RIMS1: variants seen among roughly 807,000 people sequenced by gnomAD.
RIMS1 encodes regulating synaptic membrane exocytosis protein 1.
A neutral mutation model predicts 214.1 loss-of-function variants in RIMS1; 83 were observed. The ratio of observed to expected loss-of-function variants is 0.39; its 90% confidence interval spans 0.32 to 0.47. The LOEUF is 0.47. Among genes scored for constraint, RIMS1 ranks in the 20% least tolerant of loss-of-function variants. The pLI, the probability that RIMS1 is intolerant of heterozygous loss-of-function variation, is 0.99. For synonymous variants in RIMS1, 793 were observed against 786.8 expected (o/e 1.01, Z -0.13); for missense variants, 2,050 against 2,161.8 (o/e 0.95, Z 1.03).
intron 27 of RIMS1, among the ~76,000 whole-genome samples, chr6:72,307,650 G>C (rs2095289541): frequency 1.3e-5 from 2 of 152,074 alleles, no homozygotes; most frequent in African/African-American, 4.8e-5. Flanking sequence ...GGGAGGCTGA[G>C]GTAGGAGAAT....
chr6:72,263,142 C>G, intron 19 of RIMS1: 3 of 984,478 alleles, frequency 3.0e-6, no homozygotes, highest in Non-Finnish European at 3.6e-6. Flanking sequence ...GAGTCAAATA[C>G]ATTTTGGAAA....
intron 29 of RIMS1, among the ~76,000 whole-genome samples, chr6:72,335,985 G>A (rs2096831608): frequency 6.6e-6 from 1 of 151,844 alleles, no homozygotes; most frequent in Non-Finnish European, 1.5e-5. Context: ...TTTGTCAGAT[G>A]GATAGATTTT....
chr6:72,032,734 C>G (rs1818487886), intron 2 of RIMS1, among the ~76,000 whole-genome samples: 2 of 152,122 alleles, frequency 1.3e-5, no homozygotes, highest in Non-Finnish European at 2.9e-5. Flanking sequence ...ATTCTATGAT[C>G]TATATGTCTG....
intron 2 of RIMS1, among the ~76,000 whole-genome samples, chr6:72,022,980 A>T (rs989947786): frequency 2.6e-5 from 4 of 152,166 alleles, no homozygotes; most frequent in Non-Finnish European, 5.9e-5. Flanking sequence ...AAATGTACAG[A>T]TTTTAGTCCT....
At chr6:72,023,773 A>G (rs1052840157) in intron 2 of RIMS1, among the ~76,000 whole-genome samples, 6 of 152,126 alleles carry the variant, frequency 3.9e-5, no homozygotes, top group African/African-American at 1.4e-4. Flanking sequence ...TTTCATGCTG[A>G]ATTTATAGAG....
chr6:72,011,006 A>G (rs1427603153), intron 2 of RIMS1, among the ~76,000 whole-genome samples: 5 of 152,238 alleles, frequency 3.3e-5, no homozygotes, highest in South Asian at 2.1e-4. Context: ...ACCAAAAAAG[A>G]GCCTGCATTG....
chr6:72,214,258 G>A (rs2054728949), intron 6 of RIMS1, among the ~76,000 whole-genome samples: 1 of 152,074 alleles, frequency 6.6e-6, no homozygotes, highest in Non-Finnish European at 1.5e-5. Context: ...ATTTCTAACA[G>A]AAAATACTTA....
intron 29 of RIMS1, among the ~76,000 whole-genome samples, chr6:72,352,079 C>T (rs947009401): frequency 1.3e-5 from 2 of 152,114 alleles, no homozygotes; most frequent in Admixed American, 6.6e-5. Flanking sequence ...TGAAGTTGGC[C>T]GAGGAGGTGG....
At chr6:72,214,543 A>G (rs2054890111) in intron 6 of RIMS1, among the ~76,000 whole-genome samples, 1 of 152,198 alleles carries the variant, frequency 6.6e-6, no homozygotes, top group African/African-American at 2.4e-5. Flanking sequence ...TGACATTCAA[A>G]ATGACTTTAT....
intron 29 of RIMS1, among the ~76,000 whole-genome samples, chr6:72,371,440 T>A (rs576393093): frequency 3.3e-5 from 5 of 152,366 alleles, no homozygotes; most frequent in African/African-American, 1.2e-4. Context: ...AGTAGAGCAC[T>A]ACTTTAAAGT....
intron 31 of RIMS1, among the ~76,000 whole-genome samples, chr6:72,397,846 A>G (rs1339507848): frequency 1.3e-5 from 2 of 152,200 alleles, no homozygotes; most frequent in Non-Finnish European, 2.9e-5. Flanking sequence ...TGATAGAAGT[A>G]TAAGAATGCT....
intron 28 of RIMS1, among the ~76,000 whole-genome samples, chr6:72,319,139 C>G (rs1205444219): frequency 1.3e-5 from 2 of 151,922 alleles, no homozygotes; most frequent in Admixed American, 6.6e-5. Context: ...GAGACTTTAT[C>G]CCAAGTTAGA....
intron 31 of RIMS1, 36 bp downstream of exon 31, chr6:72,392,846 T>A: frequency 7.2e-7 from 1 of 1,397,656 alleles, no homozygotes; most frequent in South Asian, 1.2e-5. Context: ...AGAAAATTGA[T>A]GTTTTGTGTT....
rs1554220983 is a variant in RIMS1, at chr6:72,092,291, CCCTT to C, written c.246-4631_246-4628del. On this transcript the variant is annotated intron_variant, in intron 2 of 33. Transcript: ENST00000521978. Reference sequence around the variant, plus strand: ...TCCTTCCCTCCCTCCCTCCCTCCCTCCCTTCCTTCCTTCCTTCCTTCCTTCCTTC... The same window carrying C: ...TCCTTCCCTCCCTCCCTCCCTCCCTCCCTTCCTTCCTTCCTTCCTTCCTTC... 2.5e-3 allele frequency among the ~76,000 whole-genome samples: 272 copies of C among 108,004 alleles called. 3 individuals carry two copies. Among genetic ancestry groups the C allele is most frequent in the African/African-American group, 5.9e-3 (190 of 31,972 alleles). The allele number at this position is 108,004 out of a possible 152,430, so 70.9% of individuals were successfully genotyped here. A position where few individuals can be genotyped will look rare whatever the true frequency, so the allele number is the denominator to read the frequency against.
intron 1 of RIMS1, among the ~76,000 whole-genome samples, chr6:71,961,408 G>GT (rs1158230454): frequency 6.6e-6 from 1 of 151,432 alleles, no homozygotes; most frequent in African/African-American, 2.4e-5. Flanking sequence ...CTCTCTTTCT[G>GT]TATCTTTAAC....
At chr6:72,009,031 G>A (rs1229069576) in intron 2 of RIMS1, among the ~76,000 whole-genome samples, 3 of 152,180 alleles carry the variant, frequency 2.0e-5, no homozygotes, top group African/African-American at 4.8e-5. Flanking sequence ...ATTCTTCTCA[G>A]CACCACACCA....
At chr6:72,108,948 G>T (rs1240503008) in intron 4 of RIMS1, among the ~76,000 whole-genome samples, 1 of 147,422 alleles carries the variant, frequency 6.8e-6, no homozygotes, top group Non-Finnish European at 1.5e-5. Flanking sequence ...AGAAAATGCA[G>T]TGTCTGGTTT....
intron 2 of RIMS1, among the ~76,000 whole-genome samples, chr6:72,053,652 G>C (rs1470284248): frequency 6.6e-6 from 1 of 152,052 alleles, no homozygotes; most frequent in Non-Finnish European, 1.5e-5. Context: ...GAATGGTCCT[G>C]GAAATGAAAC....
At chr6:72,224,638 C>T (rs1230456780) in intron 6 of RIMS1, among the ~76,000 whole-genome samples, 1 of 152,126 alleles carries the variant, frequency 6.6e-6, no homozygotes, top group East Asian at 1.9e-4. Flanking sequence ...TAATTCCTTT[C>T]TTGAGTCAAT....
Sources: allele counts gnomAD v4.1 joint callset (sites outside exome capture counted in the v4.1 genomes callset), GRCh38; gene constraint gnomAD v4.1.1; transcripts MANE v1.5; gene names NCBI Gene and HGNC (gene_info 2026-07-23, HGNC 2026-07-21).